Variants in GPHN observed in about 807,000 individuals in gnomAD.
GPHN encodes the protein gephyrin.
A neutral mutation model predicts 95.5 loss-of-function variants in GPHN; 17 were observed. The ratio of observed to expected loss-of-function variants is 0.18; its 90% confidence interval spans 0.12 to 0.27. The LOEUF (loss-of-function observed/expected upper bound fraction) is 0.27, where lower values mean the gene tolerates loss of function less well. Among genes scored for constraint, GPHN ranks in the 10% least tolerant of loss-of-function variants. GPHN has a pLI of 1.00. For synonymous variants in GPHN, 320 were observed against 322.5 expected (o/e 0.99, Z 0.08); for missense variants, 660 against 978.1 (o/e 0.67, Z 4.34).
At chr14:66,588,068 A>G (rs2061495624) in intron 1 of GPHN, among the ~76,000 whole-genome samples, 2 of 152,226 alleles carry the variant, frequency 1.3e-5, no homozygotes, top group Admixed American at 6.5e-5. Flanking sequence ...GCTGTTCTGC[A>G]GCCTCCGCTG....
At chr14:66,910,666 A>G (rs1378638014) in intron 5 of GPHN, among the ~76,000 whole-genome samples, 5 of 152,048 alleles carry the variant, frequency 3.3e-5, no homozygotes, top group African/African-American at 1.2e-4. Flanking sequence ...GTATGTGGGT[A>G]TGCATATATG....
chr14:67,716,066 C>T, the GPHN span, among the ~76,000 whole-genome samples: 1 of 151,826 alleles, frequency 6.6e-6, no homozygotes, highest in East Asian at 1.9e-4. Context: ...GGGTGGTAGC[C>T]GGTGCCTGTA....
the GPHN span, among the ~76,000 whole-genome samples, chr14:67,602,007 G>A: frequency 6.6e-6 from 1 of 151,898 alleles, no homozygotes; most frequent in South Asian, 2.1e-4. Flanking sequence ...ATTTCTTCAA[G>A]CACTTCTTTA....
chr14:67,691,333 A>G, the GPHN span: 2 of 800,864 alleles, frequency 2.5e-6, no homozygotes, highest in South Asian at 3.0e-5. Context: ...TTTGAAAATG[A>G]GGATGCAGGA....
chr14:67,274,375 A>G, the GPHN span, among the ~76,000 whole-genome samples: 7 of 152,324 alleles, frequency 4.6e-5, 2 homozygotes, highest in African/African-American at 1.7e-4. Context: ...TTTATTAAAT[A>G]GGGCATCCTT....
At chr14:66,676,790 A>G (rs2066618994) in intron 1 of GPHN, among the ~76,000 whole-genome samples, 1 of 149,420 alleles carries the variant, frequency 6.7e-6, no homozygotes, top group African/African-American at 2.5e-5. Context: ...TTGTTGTTGC[A>G]TCCTTCTTTA....
intron 19 of GPHN, among the ~76,000 whole-genome samples, chr14:67,163,270 C>T (rs2082069074): frequency 6.6e-6 from 1 of 152,046 alleles, no homozygotes. Flanking sequence ...TGAGCCACTG[C>T]ACTCCAGCAT....
chr14:67,367,852 G>C, the GPHN span, among the ~76,000 whole-genome samples: 1 of 151,970 alleles, frequency 6.6e-6, no homozygotes, highest in African/African-American at 2.4e-5. Flanking sequence ...AAAAAAGAGA[G>C]AGGTGAAGGA....
At chr14:67,693,637 TTCTTTC>T in the GPHN span, among the ~76,000 whole-genome samples, 1 of 151,030 alleles carries the variant, frequency 6.6e-6, no homozygotes, top group Non-Finnish European at 1.5e-5. Context: ...CCTTGTTTCT[TTCTTTC>T]TCTTTCTCTT....
chr14:66,792,869 T>C (rs553584787), intron 3 of GPHN, among the ~76,000 whole-genome samples: 7 of 152,378 alleles, frequency 4.6e-5, no homozygotes, highest in East Asian at 1.9e-4. Flanking sequence ...ATTGTTTCTA[T>C]AGATATTCGA....
At chr14:67,482,935 G>A in the GPHN span, among the ~76,000 whole-genome samples, 1 of 152,134 alleles carries the variant, frequency 6.6e-6, no homozygotes, top group Non-Finnish European at 1.5e-5. Context: ...GTATTTCCAT[G>A]TATTAACTCA....
rs982290369 is a variant in GPHN, at chr14:66,996,102, C to G, written c.964-27531C>G. 6 of 1,002,626 alleles carry G rather than the reference C, an allele frequency of 6.0e-6. No homozygotes were observed. The Admixed American group carries it at 9.9e-5, about 17-fold the overall frequency. 62.1% of individuals were successfully genotyped at this position (1,002,626 alleles called of 1,614,324 possible). ...CCAAGTGTGTTGGTGATGGAGCCAT[C>G]TAAACCCTCTGTGACCCTTACTATG... On this transcript the variant is annotated intron_variant, in intron 9 of 22. Coordinates refer to ENST00000478722, the MANE Select transcript of GPHN (RefSeq NM_020806.5).
At chr14:67,324,424 T>C in the GPHN span, among the ~76,000 whole-genome samples, 1 of 152,184 alleles carries the variant, frequency 6.6e-6, no homozygotes. Flanking sequence ...TGTTCTTCCT[T>C]GTTTTTTTTG....
chr14:67,674,334 C>G, the GPHN span: 3 of 1,513,868 alleles, frequency 2.0e-6, no homozygotes, highest in South Asian at 3.6e-5. Context: ...CCAAAGCGCG[C>G]AGGGCTGCGC....
chr14:67,190,248 C>A, the GPHN span, among the ~76,000 whole-genome samples: 1 of 132,830 alleles, frequency 7.5e-6, no homozygotes, highest in Admixed American at 7.9e-5. Flanking sequence ...TTTTGAGACA[C>A]AGTTTCACTC....
At chr14:66,991,044 A>G (rs2071385119) in intron 9 of GPHN, among the ~76,000 whole-genome samples, 1 of 151,960 alleles carries the variant, frequency 6.6e-6, no homozygotes, top group South Asian at 2.1e-4. Flanking sequence ...AACAATATAA[A>G]ATAGAATATT....
intron 17 of GPHN, 61 bp downstream of exon 17, chr14:67,122,438 T>A: frequency 6.9e-7 from 1 of 1,441,164 alleles, no homozygotes; most frequent in Non-Finnish European, 9.7e-7. Flanking sequence ...TTTGGAATAC[T>A]CATTAGGTGG....
Position 66,568,252 on chromosome 14 carries a change from A to G in GPHN, c.64+59661A>G, listed in dbSNP as rs186900187. On this transcript the variant is annotated intron_variant, in intron 1 of 22. Transcript: ENST00000478722. ...AATGTTCTGTAAATAATCATTCACC[A>G]TATTTGATATTTGATTGGTTTAGAA... Among the ~76,000 whole-genome samples, 34 of 152,294 alleles carry G rather than the reference A, an allele frequency of 2.2e-4. No homozygotes were observed. In the East Asian group the frequency reaches 6.0e-3, roughly 27 times the overall value.
chr14:67,439,533 G>GTTTCTTCTTTC, the GPHN span, among the ~76,000 whole-genome samples: 11 of 96,144 alleles, frequency 1.1e-4, no homozygotes, highest in South Asian at 3.5e-3. Context: ...AAATTCAATA[G>GTTTCTTCTTTC]TTTCTTTCTT....
Sources: gnomAD v4.1 joint callset for allele counts (sites outside exome capture counted in the v4.1 genomes callset) on GRCh38, gnomAD v4.1.1 for gene constraint, MANE v1.5 for transcripts, NCBI Gene and HGNC (gene_info 2026-07-23, HGNC 2026-07-21) for gene names.